Variants in TDRD10 observed in about 807,000 individuals in gnomAD.
TDRD10 encodes tudor domain containing 10, also known as tudor domain-containing protein 10.
Under a neutral mutation model 48.0 loss-of-function variants are expected in TDRD10, and 40 were observed. That is an observed-to-expected ratio of 0.83 (90% confidence interval 0.65 to 1.09). The LOEUF (loss-of-function observed/expected upper bound fraction) is 1.09, where lower values mean the gene tolerates loss of function less well. Among genes scored for constraint, TDRD10 ranks in the 50% least tolerant of loss-of-function variants. The pLI, the probability that TDRD10 is intolerant of heterozygous loss-of-function variation, is 0.00. For synonymous variants in TDRD10, 162 were observed against 170.4 expected, an observed-to-expected ratio of 0.95 and a Z score of 0.38; for missense variants, 378 against 434.7, an observed-to-expected ratio of 0.87 and a Z score of 1.16.
rs1345311321 is a variant in TDRD10, at chr1:154,547,430, T to A, written c.974T>A (p.Val325Asp). Residue 325 changes from valine (V) to aspartate (D), a missense_variant, in exon 12 of 13, where the codon GTT becomes GAT. Physicochemically the swap from Val to Asp is radical, Grantham distance 152. This residue lies in a region of TDRD10 where 68 missense variants were observed against 111.1 expected (regional missense o/e 0.61). Coordinates refer to ENST00000368482, the MANE Select transcript of TDRD10 (RefSeq NM_182499.4). ...GCAGACATTTTGAGTTCGTATGAGGTTGTCCATCGAATCCTCAAAGGGAAA... is the reference window on the plus strand; with the variant it reads ...GCAGACATTTTGAGTTCGTATGAGGATGTCCATCGAATCCTCAAAGGGAAA... The part of the protein sequence containing the change: ...LEKDILSSYE[V>D]VHRILKGKIT... The A allele has an allele frequency of 6.2e-7, 1 of 1,614,086 alleles. No homozygotes were observed. Among genetic ancestry groups the A allele is most frequent in the African/African-American group, 1.3e-5 (1 of 74,920 alleles).
intron 4 of TDRD10, among the ~76,000 whole-genome samples, chr1:154,510,253 A>G (rs939847723): frequency 9.9e-5 from 15 of 152,050 alleles, no homozygotes; most frequent in African/African-American, 3.6e-4. Context: ...AAAAAAAAAA[A>G]AAAAAAATTT....
chr1:154,542,967 C>T, intron 8 of TDRD10, 146 bp downstream of exon 8: 2 of 603,174 alleles, frequency 3.3e-6, no homozygotes, highest in Non-Finnish European at 5.7e-6. Context: ...GGCTGTGACC[C>T]ACACTGACTT....
chr1:154,523,694 T>C (rs1694170669), intron 6 of TDRD10, among the ~76,000 whole-genome samples: 1 of 152,238 alleles, frequency 6.6e-6, no homozygotes, highest in South Asian at 2.1e-4. Context: ...CAAACATCTT[T>C]AACTCCATTG....
chr1:154,531,908 T>A (rs995352177), intron 6 of TDRD10, among the ~76,000 whole-genome samples: 1 of 152,190 alleles, frequency 6.6e-6, no homozygotes, highest in East Asian at 1.9e-4. Context: ...AGAGTGTCGA[T>A]TGGTGTATTC....
chr1:154,532,273 C>CG (rs1049050147), intron 6 of TDRD10, among the ~76,000 whole-genome samples: 12 of 152,330 alleles, frequency 7.9e-5, no homozygotes, highest in Non-Finnish European at 1.8e-4. Context: ...AGAAATCAAG[C>CG]GCAGCACCAG....
chr1:154,511,686 A>G (rs1693483478), intron 4 of TDRD10, among the ~76,000 whole-genome samples: 1 of 151,910 alleles, frequency 6.6e-6, no homozygotes, highest in Non-Finnish European at 1.5e-5. Context: ...CATCTCTACT[A>G]AAATACAAAA....
At chr1:154,511,062 A>T (rs955106018) in intron 4 of TDRD10, among the ~76,000 whole-genome samples, 14 of 151,844 alleles carry the variant, frequency 9.2e-5, no homozygotes, top group South Asian at 2.1e-4. Context: ...AAAAAAATTT[A>T]AAATATATAT....
At chr1:154,506,038 G>A (rs916186055) in intron 1 of TDRD10, among the ~76,000 whole-genome samples, 5 of 152,200 alleles carry the variant, frequency 3.3e-5, no homozygotes, top group Admixed American at 6.5e-5. Flanking sequence ...AGAGTGGTGT[G>A]TGGTTTTAAA....
At chr1:154,512,440 G>A (rs1234428503) in intron 4 of TDRD10, among the ~76,000 whole-genome samples, 8 of 152,058 alleles carry the variant, frequency 5.3e-5, no homozygotes, top group Admixed American at 5.2e-4. Flanking sequence ...CATCTCCCAG[G>A]TTCAAGAAAT....
intron 6 of TDRD10, among the ~76,000 whole-genome samples, chr1:154,524,189 CAG>C (rs1193043295): frequency 9.9e-5 from 15 of 152,226 alleles, no homozygotes; most frequent in African/African-American, 3.6e-4. Flanking sequence ...TTTCCTGAGA[CAG>C]GGTGTTGCTT....
chr1:154,508,599 G>GA, intron 4 of TDRD10, 118 bp downstream of exon 4: 1 of 738,122 alleles, frequency 1.4e-6, no homozygotes. Flanking sequence ...TGATAGTGCA[G>GA]ACAGTCACTC....
At chr1:154,512,399 C>T (rs1459574530) in intron 4 of TDRD10, among the ~76,000 whole-genome samples, 2 of 152,122 alleles carry the variant, frequency 1.3e-5, no homozygotes, top group East Asian at 3.9e-4. Flanking sequence ...GGCTGGAGTG[C>T]AATGGCTCGA....
intron 4 of TDRD10, among the ~76,000 whole-genome samples, chr1:154,516,858 G>T (rs1693797014): frequency 6.6e-6 from 1 of 152,136 alleles, no homozygotes; most frequent in Admixed American, 6.6e-5. Context: ...GAGGTGGGAG[G>T]TTGGCTTGAG....
At chr1:154,532,610 G>C (rs937697004) in intron 6 of TDRD10, among the ~76,000 whole-genome samples, 1 of 152,208 alleles carries the variant, frequency 6.6e-6, no homozygotes, top group African/African-American at 2.4e-5. Flanking sequence ...CGAGGGCTGC[G>C]AGGGCTGCCA....
rs935539511 is a variant in TDRD10, at chr1:154,517,517, G to C, written c.142-2787G>C. The stretch of plus-strand genomic sequence containing the variant: ...GCTCACTGCACCCTCTGCCCCCTGG[G>C]GTTTAAGGGATTCTCCTGCCTCAGC... On this transcript the variant is annotated intron_variant, in intron 4 of 12. Coordinates refer to ENST00000368482, the MANE Select transcript of TDRD10 (RefSeq NM_182499.4). 2.6e-5 allele frequency among the ~76,000 whole-genome samples: 4 copies of C among 151,836 alleles called. No individual in the cohort carries two copies. In the South Asian group the frequency reaches 8.3e-4, roughly 32 times the overall value.
At chr1:154,511,045 CAA>C (rs879549986) in intron 4 of TDRD10, among the ~76,000 whole-genome samples, 2 of 137,580 alleles carry the variant, frequency 1.5e-5, no homozygotes, top group Non-Finnish European at 3.2e-5. Flanking sequence ...GACCCTGTTT[CAA>C]AAAAAAAAAA....
rs376567789 is a variant in TDRD10, at chr1:154,542,079, G to A, written c.412+13G>A. 7.9e-5 allele frequency: 127 copies of A among 1,613,566 alleles called. No homozygotes were observed. The highest frequency in any genetic ancestry group is 8.9e-5 in the Non-Finnish European group (105 of 1,179,820). On this transcript the variant is annotated intron_variant, in intron 7 of 12. Coordinates refer to ENST00000368482, the MANE Select transcript of TDRD10 (RefSeq NM_182499.4). ...GGCAAAACCGCCGGTGAGATTCTGC[G>A]CTGCCATCCTTTCCCAGGATGTGGC...
chr1:154,526,347 C>G (rs905365733), intron 6 of TDRD10, among the ~76,000 whole-genome samples: 1 of 151,860 alleles, frequency 6.6e-6, no homozygotes, highest in East Asian at 1.9e-4. Flanking sequence ...TTCACTCCAG[C>G]CTGGGCAACA....
At chr1:154,508,891 CTG>C in intron 4 of TDRD10, among the ~76,000 whole-genome samples, 1 of 152,272 alleles carries the variant, frequency 6.6e-6, no homozygotes, top group African/African-American at 2.4e-5. Context: ...TCAGTCAGTG[CTG>C]TGTTAGTGGG....
Sources: allele counts gnomAD v4.1 joint callset (sites outside exome capture counted in the v4.1 genomes callset), GRCh38; gene constraint gnomAD v4.1.1; regional missense constraint gnomAD v4.1.1; transcripts MANE v1.5; gene names NCBI Gene and HGNC (gene_info 2026-07-23, HGNC 2026-07-21).